CTNNA3: variants seen among roughly 807,000 people sequenced by gnomAD.
CTNNA3 encodes catenin alpha 3.
In CTNNA3, 76 loss-of-function variants were observed where a neutral mutation model predicts 95.7. The observed-to-expected ratio is 0.79, with a 90% CI of 0.66 to 0.96. CTNNA3 has a LOEUF of 0.96. Ranked by LOEUF, CTNNA3 falls within the 40% of genes least tolerant of loss-of-function variation. The pLI, the probability that CTNNA3 is intolerant of heterozygous loss-of-function variation, is 0.00. For synonymous variants in CTNNA3, 431 were observed against 374.4 expected, an observed-to-expected ratio of 1.15 and a Z score of -1.74; for missense variants, 1,191 against 1,089.8, an observed-to-expected ratio of 1.09 and a Z score of -1.31.
intron 3 of CTNNA3, among the ~76,000 whole-genome samples, chr10:67,593,876 A>C (rs935548334): frequency 7.2e-5 from 11 of 152,106 alleles, no homozygotes; most frequent in Non-Finnish European, 1.5e-4. Context: ...GCCTATTCAT[A>C]TGCTGTTGAC....
intron 7 of CTNNA3, among the ~76,000 whole-genome samples, chr10:66,986,147 C>T (rs1589550323): frequency 6.6e-6 from 1 of 152,096 alleles, no homozygotes; most frequent in Admixed American, 6.6e-5. Context: ...TCAGTATGTC[C>T]CAGAGATTAA....
intron 12 of CTNNA3, among the ~76,000 whole-genome samples, chr10:66,360,858 CT>C (rs2092667312): frequency 1.1e-5 from 1 of 92,154 alleles, no homozygotes; most frequent in Non-Finnish European, 2.2e-5. Flanking sequence ...TCTTTCTTTC[CT>C]TTCTCTTTCT....
intron 1 of CTNNA3, among the ~76,000 whole-genome samples, chr10:67,711,266 G>A (rs577026852): frequency 3.9e-5 from 6 of 152,270 alleles, no homozygotes; most frequent in South Asian, 2.1e-4. Context: ...CCAAAAATGC[G>A]GAAGCGACTG....
intron 7 of CTNNA3, among the ~76,000 whole-genome samples, chr10:66,970,365 A>G (rs191559527): frequency 4.6e-4 from 70 of 152,220 alleles, no homozygotes; most frequent in Admixed American, 2.1e-3. Flanking sequence ...CTGCATACAC[A>G]GTCAGCTTCT....
At chr10:67,579,030 T>TAC (rs1426822390) in intron 3 of CTNNA3, among the ~76,000 whole-genome samples, 1 of 83,142 alleles carries the variant, frequency 1.2e-5, no homozygotes, top group Non-Finnish European at 2.1e-5. Context: ...TATATATATA[T>TAC]ATACACACAC....
intron 13 of CTNNA3, among the ~76,000 whole-genome samples, chr10:66,184,347 TA>T (rs2086218989): frequency 6.6e-6 from 1 of 152,164 alleles, no homozygotes; most frequent in South Asian, 2.1e-4. Flanking sequence ...TAAACTTACC[TA>T]AATTTTATTT....
chr10:66,652,097 T>A (rs1420771095), intron 9 of CTNNA3, among the ~76,000 whole-genome samples: 84 of 122,370 alleles, frequency 6.9e-4, no homozygotes, highest in Non-Finnish European at 9.1e-4. Context: ...CTCAAGGAAC[T>A]AAAAAAAAAA....
At chr10:67,554,347 A>G (rs1020580654) in intron 3 of CTNNA3, among the ~76,000 whole-genome samples, 2 of 152,198 alleles carry the variant, frequency 1.3e-5, no homozygotes, top group East Asian at 1.9e-4. Flanking sequence ...TGTCTTCCAC[A>G]ATGGTTGAAC....
In CTNNA3 at chr10:65,914,497, A is replaced by T. The variant is rs1307717016; in HGVS notation, c.*5833T>A. On this transcript the variant is annotated 3_prime_UTR_variant, in exon 18 of 18. Transcript: ENST00000433211. ...ACACAAAGTTTACCTGTATTCAGGC[A>T]CATACTATGCACACGTGTGACCTCC... The T allele has an allele frequency of 2.0e-5, 3 of 152,198 alleles. No homozygotes were observed. Among genetic ancestry groups the T allele is most frequent in the Admixed American group, 2.0e-4 (3 of 15,270 alleles). 9.4% of individuals were successfully genotyped at this position (152,198 alleles called of 1,614,324 possible).
intron 15 of CTNNA3, among the ~76,000 whole-genome samples, chr10:66,036,001 C>G (rs935652788): frequency 6.6e-6 from 1 of 152,140 alleles, no homozygotes; most frequent in Admixed American, 6.5e-5. Context: ...CATACCCACT[C>G]ACCCCACACC....
chr10:67,443,082 G>A (rs998107453), intron 5 of CTNNA3, among the ~76,000 whole-genome samples: 4 of 149,578 alleles, frequency 2.7e-5, no homozygotes, highest in African/African-American at 9.8e-5. Flanking sequence ...TACTGAGAAT[G>A]ATGATTTCCA....
rs10822786 is a variant in CTNNA3 at position 66,273,082 on chromosome 10, T to A, written c.1884+7388A>T. 2.0e-5 allele frequency among the ~76,000 whole-genome samples: 3 copies of A among 152,048 alleles called. No individual in the cohort carries two copies. In the East Asian group the frequency reaches 5.8e-4, roughly 30 times the overall value. ...GATTCATTCTTACTGTAGATCTTAG[T>A]AACCTTGGCATATGATTTTTTTTCT... On this transcript the variant is annotated intron_variant, in intron 13 of 17. Coordinates refer to ENST00000433211, the MANE Select transcript of CTNNA3 (RefSeq NM_013266.4).
intron 1 of CTNNA3, among the ~76,000 whole-genome samples, chr10:67,656,835 A>G (rs1840038369): frequency 6.6e-6 from 1 of 152,180 alleles, no homozygotes; most frequent in Admixed American, 6.5e-5. Flanking sequence ...AGCTACAAAG[A>G]GCATAGTAAG....
At chr10:66,024,085 A>ATCTTTTTTTTTTTTTTTTT (rs2079282910) in intron 15 of CTNNA3, among the ~76,000 whole-genome samples, 2 of 87,748 alleles carry the variant, frequency 2.3e-5, no homozygotes, top group Non-Finnish European at 4.2e-5. Flanking sequence ...TACCATACAC[A>ATCTTTTTTTTTTTTTTTTT]TTTTTTTTTT....
intron 15 of CTNNA3, among the ~76,000 whole-genome samples, chr10:66,012,813 C>G (rs138046866): frequency 5.9e-4 from 90 of 152,314 alleles, no homozygotes; most frequent in African/African-American, 2.1e-3. Flanking sequence ...AGATTGACAG[C>G]TTTAACTATC....
chr10:67,342,794 C>A (rs1018627314), intron 5 of CTNNA3, among the ~76,000 whole-genome samples: 2 of 152,198 alleles, frequency 1.3e-5, no homozygotes, highest in African/African-American at 2.4e-5. Context: ...GTTCCATTGG[C>A]CTGTGTGTCT....
chr10:67,054,408 C>T (rs1157362703), intron 7 of CTNNA3, among the ~76,000 whole-genome samples: 1 of 152,124 alleles, frequency 6.6e-6, no homozygotes, highest in Non-Finnish European at 1.5e-5. Context: ...ACAGCAGGAT[C>T]ACACCATTGA....
chr10:67,209,399 G>C (rs1864045579), intron 6 of CTNNA3, among the ~76,000 whole-genome samples: 1 of 152,076 alleles, frequency 6.6e-6, no homozygotes, highest in African/African-American at 2.4e-5. Context: ...AATACAAGGA[G>C]AAAATGGTAT....
At chr10:67,727,581 T>C (rs553448196) in intron 1 of CTNNA3, among the ~76,000 whole-genome samples, 55 of 128,786 alleles carry the variant, frequency 4.3e-4, no homozygotes, top group African/African-American at 1.5e-3. Flanking sequence ...TAGCATAATA[T>C]ATGATATATA....
Sources: allele counts gnomAD v4.1 joint callset (sites outside exome capture counted in the v4.1 genomes callset), GRCh38; gene constraint gnomAD v4.1.1; transcripts MANE v1.5; gene names NCBI Gene and HGNC (gene_info 2026-07-23, HGNC 2026-07-21).